MTR: variants seen among roughly 807,000 people sequenced by gnomAD.
MTR encodes methionine synthase.
In MTR, 84 loss-of-function variants were observed where a neutral mutation model predicts 154.8. The ratio of observed to expected loss-of-function variants is 0.54; its 90% CI spans 0.45 to 0.65. MTR has a LOEUF of 0.65. Among genes scored for constraint, MTR ranks in the 30% least tolerant of loss-of-function variants. MTR has a pLI of 0.00. For synonymous variants in MTR, 554 were observed against 553.9 expected (o/e 1.00, Z 0.00); for missense variants, 1,275 against 1,570.2 (o/e 0.81, Z 3.18).
chr1:236,803,396 T>A, intron 1 of MTR, 32 bp from the exon 2 acceptor site: 1 of 1,601,498 alleles, frequency 6.2e-7, no homozygotes, highest in Non-Finnish European at 8.6e-7. Context: ...CACCTTTCAT[T>A]CTTTGAAGTC....
At chr1:236,864,825 A>G (rs1333768339) in intron 22 of MTR, among the ~76,000 whole-genome samples, 1 of 152,220 alleles carries the variant, frequency 6.6e-6, no homozygotes, top group Non-Finnish European at 1.5e-5. Flanking sequence ...ACCAGGCATT[A>G]TACTAGAGAC....
intron 28 of MTR, 120 bp from the exon 29 acceptor site, chr1:236,891,013 A>G: frequency 8.4e-7 from 1 of 1,191,988 alleles, no homozygotes; most frequent in East Asian, 2.4e-5. Context: ...GCATTTGAGG[A>G]AAATGGAGAA....
intron 22 of MTR, among the ~76,000 whole-genome samples, chr1:236,868,170 C>T (rs557057634): frequency 1.3e-5 from 2 of 152,316 alleles, no homozygotes; most frequent in East Asian, 3.9e-4. Context: ...CCACCCCAAA[C>T]TTCTGCAGCC....
At position 236,894,352 on chromosome 1, in the gene MTR, T is replaced by G; in HGVS notation, c.3205-5T>G. On this transcript the variant is annotated splice_region_variant and splice_polypyrimidine_tract_variant and intron_variant, in intron 29 of 32. Transcript: ENST00000366577. ...CCGCACACTCCTACACTCCTTGGTTTTAAGGCTGAGAAGGACTCTGCCAGC... is the reference window on the plus strand; with the variant it reads ...CCGCACACTCCTACACTCCTTGGTTGTAAGGCTGAGAAGGACTCTGCCAGC... 6.8e-6 allele frequency: 11 copies of G among 1,614,210 alleles called. No individual in the cohort carries two copies. Among genetic ancestry groups the G allele is most frequent in the Non-Finnish European group, 8.5e-6 (10 of 1,180,038 alleles).
intron 25 of MTR, 66 bp from the exon 26 acceptor site, chr1:236,885,055 A>G: frequency 1.0e-6 from 1 of 975,354 alleles, no homozygotes; most frequent in Non-Finnish European, 1.7e-6. Context: ...AGGTGTTATC[A>G]GCATTGACCA....
At chr1:236,795,854 C>G in intron 1 of MTR, 117 bp downstream of exon 1, 2 of 1,504,874 alleles carry the variant, frequency 1.3e-6, no homozygotes, top group Non-Finnish European at 1.8e-6. Context: ...TGTTTCCCCG[C>G]GTGTGGGCGG....
intron 32 of MTR, 134 bp from the exon 33 acceptor site, chr1:236,897,424 T>A: frequency 1.1e-6 from 1 of 883,508 alleles, no homozygotes; most frequent in Non-Finnish European, 1.8e-6. Context: ...AATATCTATC[T>A]CCATTTAACT....
At chr1:236,844,453 CGTGTGTGTGTGTGTGTGTGTGTGT>C (rs58179715) in intron 15 of MTR, among the ~76,000 whole-genome samples, 1,608 of 145,464 alleles carry the variant, frequency 0.011, 19 homozygotes, top group East Asian at 0.018. Flanking sequence ...TCAGAAAGGG[CGTGTGTGTGTGTGTGTGTGTGTGT>C]GTGTGTGTGT....
intron 22 of MTR, 50 bp downstream of exon 22, chr1:236,863,604 AGCCTTTT>A: frequency 6.6e-7 from 1 of 1,510,572 alleles, no homozygotes; most frequent in Non-Finnish European, 9.2e-7. Flanking sequence ...TAAAAATGAA[AGCCTTTT>A]AACAGAATAA....
At position 236,880,475 on chromosome 1, in the gene MTR, A is replaced by C. The variant is rs145549127; in HGVS notation, c.2595-280A>C. On this transcript the variant is annotated intron_variant, in intron 24 of 32. Coordinates refer to ENST00000366577, the MANE Select transcript of MTR (RefSeq NM_000254.3). ...CCTTAAGTCACGTGGGCTGCGAATG[A>C]GCACCAGGTCATGCACGGGCTCAGT... Among the ~76,000 whole-genome samples the C allele has an allele frequency of 9.0e-3, 1,376 of 152,334 alleles. 8 individuals carry two copies. The highest frequency in any genetic ancestry group is 0.02 in the Middle Eastern group (6 of 294).
chr1:236,887,723 G>A (rs1213898568), intron 27 of MTR, among the ~76,000 whole-genome samples: 2 of 152,364 alleles, frequency 1.3e-5, no homozygotes, highest in South Asian at 2.1e-4. Flanking sequence ...CTGAGGGCTG[G>A]CCCTCTGAAA....
chr1:236,899,265 A>T lies in MTR; in HGVS notation c.*1621A>T, dbSNP rs1666821699. On this transcript the variant is annotated 3_prime_UTR_variant, in exon 33 of 33. Coordinates refer to ENST00000366577, the MANE Select transcript of MTR (RefSeq NM_000254.3). ...TAAATATGAAGGAGAGGTTGGGGACACGCACCCTATGTGATACCAAGTTTT... is the reference window on the plus strand; with the variant it reads ...TAAATATGAAGGAGAGGTTGGGGACTCGCACCCTATGTGATACCAAGTTTT... The T allele has an allele frequency of 6.6e-6, 1 of 152,216 alleles. No homozygotes were observed. The highest frequency in any genetic ancestry group is 6.5e-5 in the Admixed American group (1 of 15,278). The allele number at this position is 152,216 out of a possible 1,614,324, so 9.4% of individuals were successfully genotyped here. A position where few individuals can be genotyped will look rare whatever the true frequency, so the allele number is the denominator to read the frequency against.
chr1:236,852,971 G>T lies in MTR; in HGVS notation c.1836G>T (p.Val612=). 6.2e-7 allele frequency: 1 copy of T among 1,613,990 alleles called. No homozygotes were observed. Among genetic ancestry groups the T allele is most frequent in the Non-Finnish European group, 8.5e-7 (1 of 1,179,910 alleles). Residue 612 remains valine, a synonymous_variant, in exon 18 of 33, where the codon GTG becomes GTT. Coordinates refer to ENST00000366577, the MANE Select transcript of MTR (RefSeq NM_000254.3). The part of the protein sequence containing the change: ...AIKSGMDMGI[V]NAGNLPVYDD... ...AGTCTGGCATGGACATGGGGATAGT[G>T]AATGCTGGAAACCTCCCTGTGTATG...
rs528519800 is a variant in MTR at position 236,800,357 on chromosome 1, C to T, written c.35-3071C>T. 20 of 985,384 alleles carry T rather than the reference C, an allele frequency of 2.0e-5. No homozygotes were observed. The African/African-American group carries it at 2.6e-4, about 13-fold the overall frequency. 61.0% of individuals were successfully genotyped at this position (985,384 alleles called of 1,614,324 possible). A position where few individuals can be genotyped will look rare whatever the true frequency, so the allele number is the denominator to read the frequency against. ...TGTGCATGACCTATTTCCCCACTGC[C>T]ACACCTCATGCTCACACTAGGCTTA... On this transcript the variant is annotated intron_variant, in intron 1 of 32. Coordinates refer to ENST00000366577, the MANE Select transcript of MTR (RefSeq NM_000254.3).
chr1:236,852,767 C>A, intron 17 of MTR, 130 bp downstream of exon 17: 1 of 1,074,100 alleles, frequency 9.3e-7, no homozygotes, highest in South Asian at 1.3e-5. Flanking sequence ...TGGGATAGAG[C>A]CACACCTATT....
intron 1 of MTR, chr1:236,799,926 T>G (rs760170965): frequency 4.2e-5 from 16 of 383,086 alleles, no homozygotes; most frequent in Non-Finnish European, 5.4e-5. Context: ...CAGATGTTTT[T>G]AAACAGCTTT....
chr1:236,874,519 C>T (rs1056625346), intron 23 of MTR, among the ~76,000 whole-genome samples: 1 of 149,876 alleles, frequency 6.7e-6, no homozygotes, highest in Non-Finnish European at 1.5e-5. Flanking sequence ...TGCAGTGAGC[C>T]GAGATCGCGC....
At chr1:236,861,664 G>A (rs551430723) in intron 20 of MTR, among the ~76,000 whole-genome samples, 39 of 152,302 alleles carry the variant, frequency 2.6e-4, no homozygotes, top group African/African-American at 8.2e-4. Flanking sequence ...TGAGACAAAT[G>A]TTACTGTTTT....
chr1:236,814,335 A>G (rs934137056), intron 6 of MTR, among the ~76,000 whole-genome samples: 3 of 152,220 alleles, frequency 2.0e-5, no homozygotes, highest in African/African-American at 4.8e-5. Flanking sequence ...AGATTCGTAT[A>G]TACATCTGGA....
Sources: gnomAD v4.1 joint callset for allele counts (sites outside exome capture counted in the v4.1 genomes callset) on GRCh38, gnomAD v4.1.1 for gene constraint, MANE v1.5 for transcripts, NCBI Gene and HGNC (gene_info 2026-07-23, HGNC 2026-07-21) for gene names.